TOM1L1: variants seen among roughly 807,000 people sequenced by gnomAD.
TOM1L1 encodes the protein TOM1-like protein 1.
In TOM1L1, 64 loss-of-function variants were observed where a neutral mutation model predicts 63.4. The observed-to-expected ratio is 1.01, with a 90% CI of 0.83 to 1.24. The LOEUF (loss-of-function observed/expected upper bound fraction) is 1.24, where lower values mean the gene tolerates loss of function less well. Among genes scored for constraint, TOM1L1 ranks in the 50% most tolerant of loss-of-function variants. The pLI is 0.00. For synonymous variants in TOM1L1, 166 were observed against 194.4 expected, an observed-to-expected ratio of 0.85 and a Z score of 1.22; for missense variants, 536 against 567.0, an observed-to-expected ratio of 0.95 and a Z score of 0.55.
chr17:54,926,290 C>CT (rs748591552), intron 7 of TOM1L1, among the ~76,000 whole-genome samples: 2 of 152,154 alleles, frequency 1.3e-5, no homozygotes, highest in Non-Finnish European at 2.9e-5. Flanking sequence ...TCTATCCAGT[C>CT]TAACAAGTGT....
intron 7 of TOM1L1, among the ~76,000 whole-genome samples, chr17:54,924,109 C>T (rs1262219538): frequency 6.6e-6 from 1 of 152,052 alleles, no homozygotes; most frequent in Non-Finnish European, 1.5e-5. Context: ...GCCACAGAGC[C>T]CTTCTCGGTC....
At chr17:54,957,422 T>A (rs189493493) in intron 14 of TOM1L1, 7 of 152,244 alleles carry the variant, frequency 4.6e-5, no homozygotes, top group Admixed American at 4.6e-4. Flanking sequence ...AACGTTTTTT[T>A]AATCAGTTTC....
intron 7 of TOM1L1, among the ~76,000 whole-genome samples, chr17:54,918,585 A>T (rs556272706): frequency 6.6e-6 from 1 of 152,184 alleles, no homozygotes. Flanking sequence ...TGTTGAAAGG[A>T]TATAAGCTGA....
intron 14 of TOM1L1, chr17:54,957,867 G>A (rs2076987837): frequency 6.6e-6 from 1 of 152,138 alleles, no homozygotes; most frequent in Admixed American, 6.5e-5. Context: ...TCCTCACAGA[G>A]GTTAAACGTA....
intron 5 of TOM1L1, 131 bp from the exon 6 acceptor site, chr17:54,914,508 G>A: frequency 1.5e-6 from 1 of 665,538 alleles, no homozygotes; most frequent in East Asian, 2.6e-5. Context: ...TTGTGTAGCT[G>A]ATGATTTACT....
At chr17:54,914,457 C>A (rs1350245341) in intron 5 of TOM1L1, among the ~76,000 whole-genome samples, 182 bp from the exon 6 acceptor site, 1 of 151,748 alleles carries the variant, frequency 6.6e-6, no homozygotes, top group Non-Finnish European at 1.5e-5. Context: ...TTATTATGGG[C>A]ATGTCATTTG....
chr17:54,948,390 G>A (rs772669769), intron 12 of TOM1L1, among the ~76,000 whole-genome samples: 7 of 152,030 alleles, frequency 4.6e-5, no homozygotes, highest in African/African-American at 9.7e-5. Flanking sequence ...CGATCTGACC[G>A]CACCCGTCAC....
rs1388832895 is a variant in TOM1L1 at position 54,912,722 on chromosome 17, G to A, written c.279G>A (p.Lys93=). The A allele has an allele frequency of 1.2e-6, 2 of 1,611,016 alleles. No individual in the cohort carries two copies. The highest frequency in any genetic ancestry group is 1.7e-6 in the Non-Finnish European group (2 of 1,179,068). ...CGPSFQSLIV[K]KEFVKENLVK... is the part of the protein sequence containing the mutation. Reference sequence around the variant, plus strand: ...CAAGTTTCCAGTCTCTGATTGTGAAGAAGGAATTTGTTAAAGAGAATTTAG... The same window carrying A: ...CAAGTTTCCAGTCTCTGATTGTGAAAAAGGAATTTGTTAAAGAGAATTTAG... Residue 93 remains lysine (K), a synonymous_variant, in exon 4 of 16, where the codon AAG becomes AAA. Transcript: ENST00000575882.
At chr17:54,961,099 T>A (rs970555018) in intron 15 of TOM1L1, 136 bp from the exon 16 acceptor site, 1 of 690,990 alleles carries the variant, frequency 1.4e-6, no homozygotes. Flanking sequence ...CCCTCCCCTA[T>A]GGAAGAAGCA....
intron 5 of TOM1L1, among the ~76,000 whole-genome samples, chr17:54,914,373 A>T (rs1423914919): frequency 2.5e-5 from 2 of 80,128 alleles, no homozygotes; most frequent in African/African-American, 8.4e-5. Context: ...CCTTGGTTAA[A>T]AAAAAAAAAA....
At chr17:54,948,933 A>G (rs2049164295) in intron 12 of TOM1L1, among the ~76,000 whole-genome samples, 2 of 152,206 alleles carry the variant, frequency 1.3e-5, no homozygotes, top group Admixed American at 1.3e-4. Context: ...ATCTGGCCTG[A>G]GCCATTGAAT....
At chr17:54,947,854 A>G (rs929378331) in intron 12 of TOM1L1, among the ~76,000 whole-genome samples, 1 of 152,050 alleles carries the variant, frequency 6.6e-6, no homozygotes, top group Non-Finnish European at 1.5e-5. Flanking sequence ...ATAACCATTC[A>G]ATTTTTGACA....
At chr17:54,947,042 C>G (rs2049131064) in intron 11 of TOM1L1, among the ~76,000 whole-genome samples, 1 of 152,154 alleles carries the variant, frequency 6.6e-6, no homozygotes, top group Admixed American at 6.5e-5. Context: ...TCTTAGTGTT[C>G]CGTGCACACT....
At chr17:54,947,689 G>C (rs1253586134) in intron 12 of TOM1L1, among the ~76,000 whole-genome samples, 1 of 152,094 alleles carries the variant, frequency 6.6e-6, no homozygotes, top group Non-Finnish European at 1.5e-5. Context: ...CAGTCACTTT[G>C]GTTCTTCTCC....
rs141975497 is a variant in TOM1L1 at position 54,914,694 on chromosome 17, C to A, written c.554C>A (p.Ser185Tyr). The A allele has an allele frequency of 6.2e-7, 1 of 1,614,032 alleles. No homozygotes were observed. The highest frequency in any genetic ancestry group is 8.5e-7 in the Non-Finnish European group (1 of 1,179,934). ...PTSVPTAPAL[S>Y]SVIAPKNSTV... is the part of the protein sequence containing the mutation. ...TCTGTCCCTACTGCACCAGCTCTTT[C>A]TTCTGTAATTGCTCCAAAGAACTCG... Residue 185 changes from serine (S) to tyrosine (Y), a missense_variant, in exon 6 of 16, where the codon TCT (serine) becomes TAT (tyrosine). Transcript: ENST00000575882.
At chr17:54,912,908 T>G (rs903398880) in intron 4 of TOM1L1, 93 bp downstream of exon 4, 9 of 1,139,636 alleles carry the variant, frequency 7.9e-6, no homozygotes, top group South Asian at 5.7e-5. Context: ...CTTTTATATA[T>G]CTAGGATTGA....
At chr17:54,939,086 C>A in intron 11 of TOM1L1, 66 bp downstream of exon 11, 1 of 1,142,916 alleles carries the variant, frequency 8.7e-7, no homozygotes, top group Non-Finnish European at 1.3e-6. Context: ...ATTAAGAAAA[C>A]CTGATGGCTG....
At chr17:54,939,736 A>C (rs2049006748) in intron 11 of TOM1L1, among the ~76,000 whole-genome samples, 1 of 151,950 alleles carries the variant, frequency 6.6e-6, no homozygotes, top group South Asian at 2.1e-4. Flanking sequence ...TAATTTTTAA[A>C]ATTTTTTGTA....
intron 8 of TOM1L1, among the ~76,000 whole-genome samples, chr17:54,932,250 G>A (rs187669779): frequency 8.0e-4 from 122 of 152,216 alleles, no homozygotes; most frequent in Middle Eastern, 3.4e-3. Flanking sequence ...TGAGAGGGTC[G>A]TGATTGATTG....
Sources: gnomAD v4.1 joint callset for allele counts (sites outside exome capture counted in the v4.1 genomes callset) on GRCh38, gnomAD v4.1.1 for gene constraint, MANE v1.5 for transcripts, NCBI Gene and HGNC (gene_info 2026-07-23, HGNC 2026-07-21) for gene names.